Variants in CCAR1 observed in about 807,000 individuals in gnomAD.
CCAR1 encodes cell division cycle and apoptosis regulator 1.
A neutral mutation model predicts 163.8 loss-of-function variants in CCAR1; 78 were observed. The observed-to-expected ratio is 0.48, with a 90% CI of 0.40 to 0.57. CCAR1 has a LOEUF of 0.57. CCAR1 is among the 20% of genes least tolerant of loss of function. The probability of loss-of-function intolerance (pLI) is 0.00; values close to 1 mark genes in which losing one functional copy is unlikely to be tolerated. For missense variants in CCAR1, 1,019 were observed against 1,365.2 expected (o/e 0.75, Z 4.00); for synonymous variants, 443 against 460.7 (o/e 0.96, Z 0.49).
intron 19 of CCAR1, among the ~76,000 whole-genome samples, chr10:68,775,683 T>A (rs2056656874): frequency 8.7e-6 from 1 of 115,190 alleles, no homozygotes; most frequent in Admixed American, 1.1e-4. Context: ...CTAATTTTTC[T>A]TTTCTTTTTT....
At chr10:68,772,567 T>C (rs2056616565) in intron 18 of CCAR1, among the ~76,000 whole-genome samples, 1 of 152,028 alleles carries the variant, frequency 6.6e-6, no homozygotes, top group Non-Finnish European at 1.5e-5. Context: ...GTTTTAGTAA[T>C]TTAATGTGTG....
At chr10:68,784,218 A>T (rs2056769537) in intron 19 of CCAR1, among the ~76,000 whole-genome samples, 1 of 150,514 alleles carries the variant, frequency 6.6e-6, no homozygotes, top group African/African-American at 2.4e-5. Flanking sequence ...CTCTATTTAT[A>T]TATTTATTTA....
At chr10:68,763,733 C>T (rs2133382777) in intron 16 of CCAR1, among the ~76,000 whole-genome samples, 1 of 152,316 alleles carries the variant, frequency 6.6e-6, no homozygotes, top group East Asian at 1.9e-4. Context: ...CAGGTGTGAG[C>T]CACCGTGCTC....
At chr10:68,749,326 T>G (rs1224688785) in intron 9 of CCAR1, 61 bp downstream of exon 9, 83 of 1,473,144 alleles carry the variant, frequency 5.6e-5, no homozygotes, top group Non-Finnish European at 7.6e-5. Context: ...GGAAACATAG[T>G]TAATGCCACT....
chr10:68,755,192 C>CT, intron 12 of CCAR1, 178 bp from the exon 13 acceptor site: 1 of 762,634 alleles, frequency 1.3e-6, no homozygotes, highest in East Asian at 2.4e-5. Flanking sequence ...GTGTGTAAAT[C>CT]CTATTCCATT....
intron 15 of CCAR1, chr10:68,760,735 G>A (rs549568762): frequency 2.1e-4 from 42 of 204,286 alleles, no homozygotes; most frequent in African/African-American, 7.9e-4. Flanking sequence ...GTGATTGTGC[G>A]CATCTGTAAT....
intron 17 of CCAR1, 54 bp downstream of exon 17, chr10:68,766,133 G>A (rs1160474706): frequency 8.9e-6 from 9 of 1,015,872 alleles, no homozygotes; most frequent in African/African-American, 3.3e-5. Flanking sequence ...ATTATGACTA[G>A]TTAATATATC....
At chr10:68,779,237 A>G (rs1248166355) in intron 19 of CCAR1, among the ~76,000 whole-genome samples, 3 of 148,854 alleles carry the variant, frequency 2.0e-5, no homozygotes, top group African/African-American at 7.5e-5. Flanking sequence ...GTTAGTAATT[A>G]GGAGAGCAGA....
intron 15 of CCAR1, 25 bp from the exon 16 acceptor site, chr10:68,760,982 G>A (rs760801593): frequency 8.8e-6 from 9 of 1,020,064 alleles, no homozygotes; most frequent in Admixed American, 4.4e-5. Flanking sequence ...TTTTTTTTCC[G>A]TGTTTTTCTG....
intron 8 of CCAR1, among the ~76,000 whole-genome samples, chr10:68,748,699 A>T (rs1370881342): frequency 6.6e-6 from 1 of 151,932 alleles, no homozygotes; most frequent in Non-Finnish European, 1.5e-5. Flanking sequence ...CATGATGCCC[A>T]GGCTGCATTT....
rs199990698 is a variant in CCAR1, at chr10:68,722,619, A to T, written c.73+42A>T. The T allele has an allele frequency of 5.2e-4, 760 of 1,454,710 alleles. 4 individuals carry two copies. The African/African-American group carries it at 9.3e-3, about 18-fold the overall frequency. 90.1% of individuals were successfully genotyped at this position (1,454,710 alleles called of 1,614,324 possible). ...CATGTACTGTAATTGTTTGTGGGGG[A>T]CTTGTTAAAACTACGTGAATTAGGG... On this transcript the variant is annotated intron_variant, in intron 2 of 24. Transcript: ENST00000265872.
At chr10:68,780,589 T>C (rs1479094175) in intron 19 of CCAR1, among the ~76,000 whole-genome samples, 1 of 152,254 alleles carries the variant, frequency 6.6e-6, no homozygotes, top group African/African-American at 2.4e-5. Flanking sequence ...TGCTTTGTTT[T>C]TTTTGCACTG....
chr10:68,721,603 C>T (rs1484978641), intron 1 of CCAR1: 2 of 446,592 alleles, frequency 4.5e-6, no homozygotes, highest in South Asian at 1.6e-5. Context: ...CCTGGCCCCC[C>T]GGCCCGGGAC....
intron 2 of CCAR1, among the ~76,000 whole-genome samples, chr10:68,723,042 A>G (rs746891719): frequency 6.6e-6 from 1 of 151,936 alleles, no homozygotes; most frequent in African/African-American, 2.4e-5. Flanking sequence ...CCATAGATCA[A>G]CTAACAAGCT....
At chr10:68,721,559 C>A (rs747624895) in intron 1 of CCAR1, 7 of 449,286 alleles carry the variant, frequency 1.6e-5, no homozygotes, top group South Asian at 1.1e-4. Flanking sequence ...CAGTCCGCCG[C>A]CCCATTGCTC....
chr10:68,767,452 A>T (rs2056550266), intron 17 of CCAR1, among the ~76,000 whole-genome samples: 1 of 151,958 alleles, frequency 6.6e-6, no homozygotes. Context: ...TATTTTTAGT[A>T]GGGACAGGGT....
intron 12 of CCAR1, 30 bp downstream of exon 12, chr10:68,754,857 A>G (rs773498265): frequency 5.8e-6 from 7 of 1,203,154 alleles, no homozygotes; most frequent in Non-Finnish European, 8.7e-6. Context: ...TTAACTTTAG[A>G]TGTATTCACT....
intron 19 of CCAR1, 55 bp from the exon 20 acceptor site, chr10:68,786,081 A>C: frequency 1.7e-6 from 2 of 1,184,408 alleles, no homozygotes; most frequent in Non-Finnish European, 2.5e-6. Context: ...CACTGTGCCC[A>C]CTTGAAAGTA....
At chr10:68,789,478 A>G (rs1469151249) in intron 23 of CCAR1, among the ~76,000 whole-genome samples, 1 of 151,890 alleles carries the variant, frequency 6.6e-6, no homozygotes, top group African/African-American at 2.4e-5. Flanking sequence ...AATCCCAGCC[A>G]AGATCGTGCC....
Sources: allele counts gnomAD v4.1 joint callset (sites outside exome capture counted in the v4.1 genomes callset), GRCh38; gene constraint gnomAD v4.1.1; transcripts MANE v1.5; gene names NCBI Gene and HGNC (gene_info 2026-07-23, HGNC 2026-07-21).